Variants in GOLPH3 observed in about 807,000 individuals in gnomAD.
GOLPH3 encodes coat protein GPP34.
A neutral mutation model predicts 28.5 loss-of-function variants in GOLPH3; 14 were observed. The observed-to-expected ratio is 0.49, with a 90% confidence interval of 0.32 to 0.77. GOLPH3 has a LOEUF of 0.77. Among genes scored for constraint, GOLPH3 ranks in the 30% least tolerant of loss-of-function variants. GOLPH3 has a pLI of 0.03. For missense variants in GOLPH3, 350 were observed against 393.7 expected, an observed-to-expected ratio of 0.89 and a Z score of 0.94; for synonymous variants, 158 against 159.2, an observed-to-expected ratio of 0.99 and a Z score of 0.06.
At position 32,173,891 on chromosome 5, in the gene GOLPH3, G is replaced by A. The variant is rs777410989; in HGVS notation, c.144C>T (p.Asp48=). 2.0e-6 allele frequency: 3 copies of A among 1,521,222 alleles called. No homozygotes were observed. Among genetic ancestry groups the A allele is most frequent in the Non-Finnish European group, 2.6e-6 (3 of 1,137,750 alleles). The allele number at this position is 1,521,222 out of a possible 1,614,324, so 94.2% of individuals were successfully genotyped here. The part of the protein sequence containing the change: ...DDAQSRRDEQ[D]DDDKGDSKET... ...CCTTGGAGTCGCCCTTGTCGTCGTC[G>A]TCCTGCTCGTCGCGGCGGCTCTGCG... The change falls in exon 1 of 4, where the codon GAC becomes GAT. Residue 48 remains aspartate, a synonymous_variant. Coordinates refer to ENST00000265070, the MANE Select transcript of GOLPH3 (RefSeq NM_022130.4).
At chr5:32,171,325 A>G (rs1183436) in intron 1 of GOLPH3, among the ~76,000 whole-genome samples, 26,757 of 152,082 alleles carry the variant, frequency 0.18, 5,270 homozygotes, top group African/African-American at 0.49. Context: ...TTTTAAGAAA[A>G]TTTACCAATT....
chr5:32,142,203 G>A (rs1488822050), intron 2 of GOLPH3, among the ~76,000 whole-genome samples: 3 of 151,296 alleles, frequency 2.0e-5, no homozygotes, highest in South Asian at 2.1e-4. Flanking sequence ...AGTGAGGAGC[G>A]TCTCTGCCCG....
At chr5:32,158,656 C>T (rs1291427546) in intron 1 of GOLPH3, among the ~76,000 whole-genome samples, 2 of 152,140 alleles carry the variant, frequency 1.3e-5, no homozygotes, top group Non-Finnish European at 2.9e-5. Context: ...TGTCAGGTTA[C>T]TCTTCTGCTG....
At chr5:32,154,811 G>A (rs1746380349) in intron 1 of GOLPH3, among the ~76,000 whole-genome samples, 1 of 152,212 alleles carries the variant, frequency 6.6e-6, no homozygotes, top group East Asian at 1.9e-4. Context: ...TTGGCTGGGT[G>A]CAGTGGCTCA....
At chr5:32,166,774 T>C (rs1033756828) in intron 1 of GOLPH3, among the ~76,000 whole-genome samples, 11 of 151,236 alleles carry the variant, frequency 7.3e-5, no homozygotes, top group Non-Finnish European at 1.5e-4. Flanking sequence ...GCCATTGCAC[T>C]TCAGCCCGAG....
intron 1 of GOLPH3, among the ~76,000 whole-genome samples, chr5:32,146,794 T>C (rs992270543): frequency 4.6e-5 from 7 of 152,100 alleles, no homozygotes; most frequent in African/African-American, 1.7e-4. Flanking sequence ...GATAAAAAAT[T>C]ATATTATCTA....
At chr5:32,155,905 C>T (rs954032218) in intron 1 of GOLPH3, among the ~76,000 whole-genome samples, 12 of 130,578 alleles carry the variant, frequency 9.2e-5, no homozygotes, top group African/African-American at 3.4e-4. Flanking sequence ...TGCCGTGAAC[C>T]AACATTGAGC....
chr5:32,134,401 G>A (rs1010933857), intron 3 of GOLPH3, among the ~76,000 whole-genome samples: 1 of 151,688 alleles, frequency 6.6e-6, no homozygotes, highest in African/African-American at 2.4e-5. Flanking sequence ...TAGAAACAGG[G>A]TTTCACCAGG....
intron 1 of GOLPH3, among the ~76,000 whole-genome samples, chr5:32,154,441 T>A (rs1274780398): frequency 6.6e-6 from 1 of 152,266 alleles, no homozygotes; most frequent in Non-Finnish European, 1.5e-5. Flanking sequence ...TATTCTGAGA[T>A]ATCTGCAATA....
At position 32,126,116 on chromosome 5, in the gene GOLPH3, G is replaced by A; in HGVS notation, c.*96C>T. ...TTTTGTAAAACAGAAGCCAATTATA[G>A]TGTGGGAAAGTACAAATTACAGAAA... On this transcript the variant is annotated 3_prime_UTR_variant, in exon 4 of 4. Transcript: ENST00000265070. The A allele has an allele frequency of 7.9e-7, 1 of 1,262,718 alleles. No individual in the cohort carries two copies. Among genetic ancestry groups the A allele is most frequent in the Non-Finnish European group, 1.1e-6 (1 of 903,394 alleles). The allele number at this position is 1,262,718 out of a possible 1,614,324, so 78.2% of individuals were successfully genotyped here.
In GOLPH3 at chr5:32,126,434, C is replaced by A; in HGVS notation, c.675G>T (p.Trp225Cys). Reference protein sequence around the residue: ...KKVQEAVLDKWVNDPHRMDRR... With the variant: ...KKVQEAVLDKCVNDPHRMDRR... The stretch of plus-strand genomic sequence containing the variant: ...TGTCCATGCGGTGAGGGTCATTCAC[C>A]CATTTGTCAAGAACGGCTTCCTGTA... Residue 225 changes from tryptophan (W) to cysteine (C), a missense_variant, in exon 4 of 4, where the codon TGG (tryptophan) becomes TGT (cysteine). By Grantham distance (215) the Trp-to-Cys change is radical. Coordinates refer to ENST00000265070, the MANE Select transcript of GOLPH3 (RefSeq NM_022130.4). 6.2e-7 allele frequency: 1 copy of A among 1,614,176 alleles called. No homozygotes were observed. The highest frequency in any genetic ancestry group is 2.2e-5 in the East Asian group (1 of 44,884).
chr5:32,146,859 C>T lies in GOLPH3; in HGVS notation c.226-2979G>A, dbSNP rs955080489. On this transcript the variant is annotated intron_variant, in intron 1 of 3. Coordinates refer to ENST00000265070, the MANE Select transcript of GOLPH3 (RefSeq NM_022130.4). ...TGGGCCATACTGGAAGAATTATTATCTTGGCCCACACATAAAATATACTAA... is the reference window on the plus strand; with the variant it reads ...TGGGCCATACTGGAAGAATTATTATTTTGGCCCACACATAAAATATACTAA... 5.9e-5 allele frequency among the ~76,000 whole-genome samples: 9 copies of T among 152,018 alleles called. No homozygotes were observed. In the South Asian group the frequency reaches 1.0e-3, roughly 17 times the overall value.
rs70961608 is a variant in GOLPH3 at position 32,155,956 on chromosome 5, C to CA, written c.226-12077dup. On this transcript the variant is annotated intron_variant, in intron 1 of 3. Transcript: ENST00000265070. ...GGGCAACAAGAGTGAAACACTGTCT[C>CA]AAAAAAAAAAAAAAAAAAAAAAAAA... Among the ~76,000 whole-genome samples the CA allele has an allele frequency of 2.9e-3, 141 of 47,818 alleles. 16 individuals carry two copies. The highest frequency in any genetic ancestry group is 3.8e-3 in the Non-Finnish European group (88 of 23,254). The allele number at this position is 47,818 out of a possible 152,430, so 31.4% of individuals were successfully genotyped here. A position where few individuals can be genotyped will look rare whatever the true frequency, so the allele number is the denominator to read the frequency against.
Position 32,126,153 on chromosome 5 carries a change from A to G in GOLPH3, c.*59T>C. 1 of 1,493,714 alleles carries G rather than the reference A, an allele frequency of 6.7e-7. No homozygotes were observed. Among genetic ancestry groups the G allele is most frequent in the Admixed American group, 2.1e-5 (1 of 47,814 alleles). 92.5% of individuals were successfully genotyped at this position (1,493,714 alleles called of 1,614,324 possible). A position where few individuals can be genotyped will look rare whatever the true frequency, so the allele number is the denominator to read the frequency against. ...ACAAATTACAGAAAACCAGAAGTCA[A>G]CAGAAGAAAAACTACTGGTTTACTT... On this transcript the variant is annotated 3_prime_UTR_variant, in exon 4 of 4. Transcript: ENST00000265070.
chr5:32,145,048 C>T (rs1445559506), intron 1 of GOLPH3, among the ~76,000 whole-genome samples: 2 of 152,308 alleles, frequency 1.3e-5, no homozygotes, highest in Non-Finnish European at 2.9e-5. Flanking sequence ...GAAGGCCTGG[C>T]CCTCACCTCT....
intron 1 of GOLPH3, among the ~76,000 whole-genome samples, chr5:32,158,013 AT>A (rs1746471489): frequency 2.4e-5 from 2 of 82,556 alleles, no homozygotes; most frequent in Non-Finnish European, 4.3e-5. Context: ...AAATAAATAA[AT>A]AAATAAAATA....
chr5:32,141,162 C>CA (rs5867132), intron 2 of GOLPH3, among the ~76,000 whole-genome samples: 4,463 of 116,064 alleles, frequency 0.038, 251 homozygotes, highest in African/African-American at 0.14. Context: ...GACTCAGTCT[C>CA]AAAAAAAAAA....
At chr5:32,131,831 ACAT>A in intron 3 of GOLPH3, among the ~76,000 whole-genome samples, 1 of 152,340 alleles carries the variant, frequency 6.6e-6, no homozygotes, top group Non-Finnish European at 1.5e-5. Flanking sequence ...ATCTTCCTTG[ACAT>A]CATCTTACAA....
chr5:32,153,377 T>G (rs1216983654), intron 1 of GOLPH3, among the ~76,000 whole-genome samples: 1 of 151,710 alleles, frequency 6.6e-6, no homozygotes, highest in Non-Finnish European at 1.5e-5. Context: ...GAAATGAGAC[T>G]TTTGAATATA....
Sources: gnomAD v4.1 joint callset for allele counts (sites outside exome capture counted in the v4.1 genomes callset) on GRCh38, gnomAD v4.1.1 for gene constraint, MANE v1.5 for transcripts, NCBI Gene and HGNC (gene_info 2026-07-23, HGNC 2026-07-21) for gene names.